Variants in UNK observed in about 807,000 individuals in gnomAD.
UNK encodes unk zinc finger, also known as RING finger protein unkempt homolog.
In UNK, 32 loss-of-function variants were observed where a neutral mutation model predicts 97.6. That is an observed-to-expected ratio of 0.33 (90% CI 0.25 to 0.44). The LOEUF is 0.44. Ranked by LOEUF, UNK falls within the 20% of genes least tolerant of loss-of-function variation. UNK has a pLI of 1.00. For missense variants in UNK, 771 were observed against 1,098.4 expected, an observed-to-expected ratio of 0.70 and a Z score of 4.21; for synonymous variants, 441 against 461.2, an observed-to-expected ratio of 0.96 and a Z score of 0.56.
At chr17:75,815,052 G>T in intron 6 of UNK, 117 bp from the exon 7 acceptor site, 1 of 846,862 alleles carries the variant, frequency 1.2e-6, no homozygotes, top group East Asian at 2.6e-5. Flanking sequence ...GGGAGGGGAG[G>T]GGCCGGGAAC....
chr17:75,803,090 G>A (rs533857583), intron 1 of UNK, among the ~76,000 whole-genome samples: 2 of 111,548 alleles, frequency 1.8e-5, no homozygotes, highest in African/African-American at 1.1e-4. Flanking sequence ...GTGAAACCTC[G>A]TCTCTACTAA....
chr17:75,819,727 C>T lies in UNK; in HGVS notation c.1590C>T (p.Ala530=), dbSNP rs775483283. The part of the protein sequence containing the change: ...DDLDLNEFGV[A]ALEKTFDNST... Reference sequence around the variant, plus strand: ...TGGACCTGAATGAGTTTGGCGTGGCCGCCCTGGAGAAGACTTTCGATAACA... The same window carrying T: ...TGGACCTGAATGAGTTTGGCGTGGCTGCCCTGGAGAAGACTTTCGATAACA... The change falls in exon 12 of 16, where the codon GCC becomes GCT. Residue 530 remains alanine, a synonymous_variant. Transcript: ENST00000589666. The surrounding 1 kb of genome is among the most constrained non-coding windows in gnomAD (Gnocchi z 5.4). 3.6e-5 allele frequency: 58 copies of T among 1,613,872 alleles called. No homozygotes were observed. The Middle Eastern group carries it at 4.9e-4, about 14-fold the overall frequency.
chr17:75,792,305 T>TA (rs56054547), intron 1 of UNK: 23 of 985,282 alleles, frequency 2.3e-5, no homozygotes, highest in Middle Eastern at 5.2e-4. Context: ...TTGTTTTTTT[T>TA]AATCCAGCTA....
In UNK at chr17:75,823,393, G is replaced by A. The variant is rs927458163; in HGVS notation, c.2148G>A (p.Glu716=). ...TGCAGGTGAAGAAGCTCCAGGAGGA[G>A]CTGGAGCGGCTACACGCGGGGCCTG... The part of the protein sequence containing the change: ...LEVQVKKLQE[E]LERLHAGPEP... Residue 716 remains glutamate (E), a synonymous_variant, in exon 15 of 16, where the codon GAG becomes GAA. Transcript: ENST00000589666. 5.6e-6 allele frequency: 9 copies of A among 1,608,878 alleles called. No homozygotes were observed. The highest frequency in any genetic ancestry group is 5.3e-5 in the African/African-American group (4 of 74,898).
intron 15 of UNK, among the ~76,000 whole-genome samples, chr17:75,823,828 G>A (rs889549138): frequency 2.0e-5 from 3 of 152,282 alleles, no homozygotes; most frequent in Middle Eastern, 6.8e-3. Flanking sequence ...ATGGAGCAGC[G>A]GGCCTTCCAG....
At chr17:75,821,925 TTTGTGTGATTC>T (rs2062072842) in intron 13 of UNK, 1 of 341,524 alleles carries the variant, frequency 2.9e-6, no homozygotes, top group Non-Finnish European at 5.8e-6. Flanking sequence ...CCACTTACAA[TTTGTGTGATTC>T]TTGGTAAAAC....
At chr17:75,813,966 CT>C in intron 6 of UNK, 88 bp downstream of exon 6, 1 of 1,185,514 alleles carries the variant, frequency 8.4e-7, no homozygotes, top group South Asian at 1.5e-5. Context: ...AGAACCCATC[CT>C]GATGCCATCC....
rs11335367 is a variant in UNK, at chr17:75,784,994, G to GCCCCCCCCCCCCC, written c.104+11_104+23dup. On this transcript the variant is annotated intron_variant, in intron 1 of 15. Transcript: ENST00000589666. ...AACCGCAGCACTACACGTACGTAGA[G>GCCCCCCCCCCCCC]CCCCCCCCCCCCCGCCGCGCGCGCA... is the stretch of plus-strand genomic sequence containing the variant. 1.0e-6 allele frequency: 1 copy of GCCCCCCCCCCCCC among 987,888 alleles called. No homozygotes were observed. 61.2% of individuals were successfully genotyped at this position (987,888 alleles called of 1,614,324 possible). A position where few individuals can be genotyped will look rare whatever the true frequency, so the allele number is the denominator to read the frequency against.
At chr17:75,790,632 AAAAT>A (rs1483832520) in intron 1 of UNK, among the ~76,000 whole-genome samples, 1 of 152,058 alleles carries the variant, frequency 6.6e-6, no homozygotes. Flanking sequence ...CCCTATCTGA[AAAAT>A]AAATAAATAA....
At position 75,818,584 on chromosome 17, in the gene UNK, G is replaced by C; in HGVS notation, c.1372-58G>C. The C allele has an allele frequency of 6.6e-7, 1 of 1,526,296 alleles. No homozygotes were observed. The highest frequency in any genetic ancestry group is 1.3e-5 in the South Asian group (1 of 79,022). 94.5% of individuals were successfully genotyped at this position (1,526,296 alleles called of 1,614,324 possible). ...GCCCCCAGCCCCTCTCCAGCCTCTC[G>C]TCCTGGCCTCCGTATGCAGGCCTAC... is the stretch of plus-strand genomic sequence containing the variant. On this transcript the variant is annotated intron_variant, in intron 10 of 15. Coordinates refer to ENST00000589666, the MANE Select transcript of UNK (RefSeq NM_001080419.3). The surrounding 1 kb of genome is among the most constrained non-coding windows in gnomAD (Gnocchi z 5.1).
At chr17:75,787,107 C>T (rs1216870553) in intron 1 of UNK, among the ~76,000 whole-genome samples, 4 of 152,204 alleles carry the variant, frequency 2.6e-5, no homozygotes, top group Admixed American at 1.3e-4. Flanking sequence ...TACTAGCATT[C>T]AGAAGCTGTG....
At position 75,819,063 on chromosome 17, in the gene UNK, A is replaced by G; in HGVS notation, c.1546+247A>G. 2 of 450,590 alleles carry G rather than the reference A, an allele frequency of 4.4e-6. No individual in the cohort carries two copies. 27.9% of individuals were successfully genotyped at this position (450,590 alleles called of 1,614,324 possible). ...GGTGCCTTTTCCCCTTGGTGAGTACAGTCTCACCCCAAGACGTGTTGTTCA... is the reference window on the plus strand; with the variant it reads ...GGTGCCTTTTCCCCTTGGTGAGTACGGTCTCACCCCAAGACGTGTTGTTCA... On this transcript the variant is annotated intron_variant, in intron 11 of 15. Transcript: ENST00000589666. The surrounding 1 kb of genome is among the most constrained non-coding windows in gnomAD (Gnocchi z 5.4).
At chr17:75,801,733 C>T (rs372278558) in intron 1 of UNK, among the ~76,000 whole-genome samples, 125 of 151,970 alleles carry the variant, frequency 8.2e-4, no homozygotes, top group African/African-American at 2.9e-3. Context: ...TTAGTAGAGA[C>T]GGGGTTTCAC....
intron 1 of UNK, among the ~76,000 whole-genome samples, chr17:75,805,809 A>ATGTGT (rs1567800919): frequency 3.0e-4 from 29 of 96,532 alleles, no homozygotes; most frequent in African/African-American, 1.8e-3. Context: ...TAAAAAGAAA[A>ATGTGT]ATGTGTGTGT....
intron 1 of UNK, among the ~76,000 whole-genome samples, chr17:75,806,298 CAA>C (rs60027761): frequency 2.1e-5 from 3 of 141,540 alleles, no homozygotes; most frequent in East Asian, 2.0e-4. Flanking sequence ...ACTAAAAATA[CAA>C]AAAAAAAAAT....
Position 75,819,944 on chromosome 17 carries a change from C to T in UNK, c.1673C>T (p.Ala558Val), listed in dbSNP as rs747013320. Reference sequence around the variant, plus strand: ...GGCGGCAGCTTGCTGCAGAGCTCTGCACCCGTGAACATCCCCGGCTCCTTG... The same window carrying T: ...GGCGGCAGCTTGCTGCAGAGCTCTGTACCCGTGAACATCCCCGGCTCCTTG... ...TIGGSLLQSS[A>V]PVNIPGSLGS... is the part of the protein sequence containing the mutation. The change falls in exon 13 of 16, where the codon GCA becomes GTA. Residue 558 changes from alanine to valine, a missense_variant. Ala to Val is a moderately conservative substitution (Grantham distance 64). Around this residue, in one of 5 missense-constraint regions of UNK, gnomAD observed 91 missense variants for 173.1 expected, o/e 0.53. Transcript: ENST00000589666. The surrounding 1 kb of genome is among the most constrained non-coding windows in gnomAD (Gnocchi z 5.4). 5 of 1,611,950 alleles carry T rather than the reference C, an allele frequency of 3.1e-6. No individual in the cohort carries two copies. The highest frequency in any genetic ancestry group is 1.7e-5 in the Admixed American group (1 of 59,776).
chr17:75,784,825 G>C lies in UNK; in HGVS notation c.-56G>C. ...GCAGGCGCACTGGGTCCTCGGCGCGGACCGCGCAGACTGAATAATAAAAGG... is the reference window on the plus strand; with the variant it reads ...GCAGGCGCACTGGGTCCTCGGCGCGCACCGCGCAGACTGAATAATAAAAGG... On this transcript the variant is annotated 5_prime_UTR_variant, in exon 1 of 16. Transcript: ENST00000589666. 6.4e-7 allele frequency: 1 copy of C among 1,572,974 alleles called. No homozygotes were observed. Among genetic ancestry groups the C allele is most frequent in the Non-Finnish European group, 8.7e-7 (1 of 1,144,098 alleles).
At chr17:75,821,749 C>G (rs1254463943) in intron 13 of UNK, 2 of 456,286 alleles carry the variant, frequency 4.4e-6, no homozygotes, top group Non-Finnish European at 8.8e-6. Flanking sequence ...AAGCCCGGGG[C>G]TGCCCTGGGG....
intron 13 of UNK, chr17:75,821,432 T>C: frequency 2.2e-6 from 1 of 451,786 alleles, no homozygotes; most frequent in Non-Finnish European, 4.5e-6. Context: ...GGAGAGCTTC[T>C]CCAAGGGAGG....
Sources: allele counts gnomAD v4.1 joint callset (sites outside exome capture counted in the v4.1 genomes callset), GRCh38; gene constraint gnomAD v4.1.1; regional missense constraint gnomAD v4.1.1; non-coding constraint Gnocchi (gnomAD v3.1); transcripts MANE v1.5; gene names NCBI Gene and HGNC (gene_info 2026-07-23, HGNC 2026-07-21).